ROBO2: variants seen among roughly 807,000 people sequenced by gnomAD.
ROBO2 encodes the protein roundabout guidance receptor 2.
ROBO2 carries 53 observed loss-of-function variants against 160.8 expected under a neutral mutation model. The ratio of observed to expected loss-of-function variants is 0.33; its 90% CI spans 0.26 to 0.41. The LOEUF is 0.41. ROBO2 is among the 10% of genes least tolerant of loss of function. ROBO2 has a pLI of 1.00. For synonymous variants in ROBO2, 664 were observed against 611.7 expected (o/e 1.09, Z -1.26); for missense variants, 1,577 against 1,722.4 (o/e 0.92, Z 1.49).
intron 2 of ROBO2, among the ~76,000 whole-genome samples, chr3:76,750,144 T>A (rs1009203914): frequency 6.6e-6 from 1 of 151,968 alleles, no homozygotes; most frequent in African/African-American, 2.4e-5. Flanking sequence ...TGGTTCAACA[T>A]ACAAAAATCA....
chr3:77,416,189 G>C (rs993621918), intron 2 of ROBO2, among the ~76,000 whole-genome samples: 7 of 152,146 alleles, frequency 4.6e-5, no homozygotes, highest in Admixed American at 2.6e-4. Context: ...CCCGAAAGTG[G>C]GTATCCCAAT....
chr3:76,627,854 G>T (rs962868152), intron 2 of ROBO2, among the ~76,000 whole-genome samples: 1 of 152,134 alleles, frequency 6.6e-6, no homozygotes, highest in Non-Finnish European at 1.5e-5. Context: ...TAATGCTTGT[G>T]TGTTTTAAGG....
chr3:76,248,470 A>G (rs1387540797), intron 2 of ROBO2, among the ~76,000 whole-genome samples: 3 of 145,244 alleles, frequency 2.1e-5, no homozygotes, highest in South Asian at 2.2e-4. Context: ...GAAGGGGAAT[A>G]TCACACTCTG....
intron 2 of ROBO2, among the ~76,000 whole-genome samples, chr3:76,236,829 T>A (rs1418822991): frequency 6.6e-6 from 1 of 152,106 alleles, no homozygotes; most frequent in African/African-American, 2.4e-5. Flanking sequence ...AATTACTAGA[T>A]AACGTAAGAT....
At chr3:76,270,971 T>C (rs1033018398) in intron 2 of ROBO2, among the ~76,000 whole-genome samples, 2 of 152,100 alleles carry the variant, frequency 1.3e-5, no homozygotes, top group Admixed American at 1.3e-4. Context: ...CCATGCTGAA[T>C]CAAGGATGTA....
At chr3:77,250,891 TA>T (rs2090266624) in intron 2 of ROBO2, among the ~76,000 whole-genome samples, 3 of 152,314 alleles carry the variant, frequency 2.0e-5, no homozygotes, top group African/African-American at 7.2e-5. Flanking sequence ...CTTCATGACT[TA>T]ATCTCTTCTG....
At chr3:76,989,436 A>G (rs1166694553) in intron 2 of ROBO2, among the ~76,000 whole-genome samples, 1 of 152,232 alleles carries the variant, frequency 6.6e-6, no homozygotes, top group East Asian at 1.9e-4. Context: ...AAAAGTATGT[A>G]ATTTTCATTT....
intron 2 of ROBO2, among the ~76,000 whole-genome samples, chr3:76,914,805 C>T (rs777890732): frequency 1.3e-4 from 20 of 152,016 alleles, no homozygotes; most frequent in Non-Finnish European, 2.9e-4. Context: ...GACAGGAGCA[C>T]ATGTTGGAAG....
chr3:77,390,254 C>A (rs187383437), intron 2 of ROBO2, among the ~76,000 whole-genome samples: 2 of 152,234 alleles, frequency 1.3e-5, no homozygotes, highest in Admixed American at 1.3e-4. Context: ...CCTGGAAAAT[C>A]TAAAGTTGTT....
chr3:76,367,399 G>C (rs1424148090), intron 2 of ROBO2, among the ~76,000 whole-genome samples: 1 of 151,390 alleles, frequency 6.6e-6, no homozygotes, highest in African/African-American at 2.4e-5. Flanking sequence ...TTTTCTTAAT[G>C]GCTTTTCCCT....
At chr3:77,180,906 A>G (rs987766616) in intron 2 of ROBO2, among the ~76,000 whole-genome samples, 13 of 152,072 alleles carry the variant, frequency 8.5e-5, no homozygotes, top group African/African-American at 3.1e-4. Flanking sequence ...ACTGACCATT[A>G]GAGAACTCAA....
intron 2 of ROBO2, among the ~76,000 whole-genome samples, chr3:76,407,597 A>C (rs910680775): frequency 6.6e-6 from 1 of 152,056 alleles, no homozygotes; most frequent in Admixed American, 6.6e-5. Flanking sequence ...ATGGAGAGCA[A>C]TAGGAAAAAA....
chr3:77,581,864 A>T lies in ROBO2; in HGVS notation c.2500+1746A>T, dbSNP rs368689974. 2.4e-4 allele frequency among the ~76,000 whole-genome samples: 37 copies of T among 152,040 alleles called. No individual in the cohort carries two copies. The East Asian group carries it at 2.7e-3, about 11-fold the overall frequency. On this transcript the variant is annotated intron_variant, in intron 16 of 25. Transcript: ENST00000461745. ...GTCTGGAAATCTATTGTAATTATGG[A>T]TTTATGTATTTCCCCCTTTCATCTA...
At chr3:77,602,085 A>T (rs1026289386) in intron 19 of ROBO2, 125 bp from the exon 21 acceptor site, 3 of 963,604 alleles carry the variant, frequency 3.1e-6, no homozygotes, top group Non-Finnish European at 5.0e-6. Context: ...TCAGTGGCTC[A>T]TGAAGCCCAT....
chr3:76,113,361 A>G (rs555378572), intron 2 of ROBO2, among the ~76,000 whole-genome samples: 1 of 152,200 alleles, frequency 6.6e-6, no homozygotes, highest in South Asian at 2.1e-4. Flanking sequence ...TTAAGAAAAA[A>G]TATCAAGCTG....
chr3:76,550,530 A>G (rs893778538), intron 2 of ROBO2, among the ~76,000 whole-genome samples: 1 of 152,236 alleles, frequency 6.6e-6, no homozygotes, highest in Admixed American at 6.5e-5. Flanking sequence ...GGGCCCAGGA[A>G]GGAGCAGGAG....
At chr3:76,160,199 G>T (rs1029980709) in intron 2 of ROBO2, among the ~76,000 whole-genome samples, 4 of 152,004 alleles carry the variant, frequency 2.6e-5, no homozygotes, top group African/African-American at 9.7e-5. Flanking sequence ...CACTTTGGCT[G>T]GGTTACTTTC....
intron 2 of ROBO2, among the ~76,000 whole-genome samples, chr3:76,683,287 A>G (rs2092608984): frequency 6.6e-6 from 1 of 152,098 alleles, no homozygotes; most frequent in African/African-American, 2.4e-5. Flanking sequence ...AAACCAACCC[A>G]TACTTGGTCA....
chr3:77,211,155 A>G (rs2084096794), intron 2 of ROBO2, among the ~76,000 whole-genome samples: 2 of 152,180 alleles, frequency 1.3e-5, no homozygotes. Context: ...ATCCCTGAGG[A>G]ATCGCCACAC....
Sources: allele counts gnomAD v4.1 joint callset (sites outside exome capture counted in the v4.1 genomes callset), GRCh38; gene constraint gnomAD v4.1.1; transcripts MANE v1.5; gene names NCBI Gene and HGNC (gene_info 2026-07-23, HGNC 2026-07-21).